Variants in RHOG observed in about 807,000 individuals in gnomAD.
The protein encoded by RHOG is ras homolog family member G.
A neutral mutation model predicts 12.3 loss-of-function variants in RHOG; 1 was observed. The observed-to-expected ratio is 0.08, with a 90% CI of 0.03 to 0.39. The LOEUF (loss-of-function observed/expected upper bound fraction) is 0.39, where lower values mean the gene tolerates loss of function less well. Ranked by LOEUF, RHOG falls within the 10% of genes least tolerant of loss-of-function variation. The probability of loss-of-function intolerance (pLI) is 0.99; values close to 1 mark genes in which losing one functional copy is unlikely to be tolerated. For missense variants in RHOG, 114 were observed against 266.2 expected (o/e 0.43, Z 3.98); for synonymous variants, 129 against 116.0 (o/e 1.11, Z -0.72).
chr11:3,836,400 T>C (rs2090156724), intron 1 of RHOG, among the ~76,000 whole-genome samples: 1 of 148,492 alleles, frequency 6.7e-6, no homozygotes, highest in Admixed American at 6.7e-5. Context: ...GCTGGAGGAC[T>C]CTCCACCTCT....
At chr11:3,840,324 G>A (rs1232644203) in intron 1 of RHOG, among the ~76,000 whole-genome samples, 3 of 152,128 alleles carry the variant, frequency 2.0e-5, no homozygotes, top group East Asian at 3.9e-4. Flanking sequence ...ACTGGGGTCG[G>A]CGGGGCTCCC....
intron 1 of RHOG, among the ~76,000 whole-genome samples, chr11:3,831,719 AG>A (rs1022846800): frequency 1.3e-5 from 2 of 152,226 alleles, no homozygotes; most frequent in African/African-American, 4.8e-5. Flanking sequence ...CCTTGGAGGC[AG>A]GGGGCATTAT....
chr11:3,828,817 T>A (rs1002672191), intron 1 of RHOG, among the ~76,000 whole-genome samples: 7 of 151,640 alleles, frequency 4.6e-5, no homozygotes, highest in East Asian at 1.9e-4. Flanking sequence ...AGATGGGGTT[T>A]CACCGTGTTG....
chr11:3,829,249 A>ATTT (rs869157708), intron 1 of RHOG, among the ~76,000 whole-genome samples: 9 of 92,772 alleles, frequency 9.7e-5, no homozygotes, highest in African/African-American at 1.1e-4. Context: ...CAATGGGGAA[A>ATTT]TTTTTTTTTT....
chr11:3,827,686 A>G lies in RHOG; in HGVS notation c.453T>C (p.Ala151=), dbSNP rs201163284. Residue 151 remains alanine, a synonymous_variant, in exon 2 of 2, where the codon GCT becomes GCC. Transcript: ENST00000351018. This position sits in a 1 kb window ranked among gnomAD's most constrained non-coding sequence, Gnocchi z 7.3. ...GGGCTGAGCATTCGAGGTAGCGCAC[A>G]GCGTGGATCTGCTTGGCCAGTGCCT... The part of the protein sequence containing the change: ...QGQALAKQIH[A]VRYLECSALQ... 1.2e-6 allele frequency: 2 copies of G among 1,614,124 alleles called. No individual in the cohort carries two copies. Among genetic ancestry groups the G allele is most frequent in the African/African-American group, 1.3e-5 (1 of 75,084 alleles).
chr11:3,827,267 CAGT>C lies in RHOG; in HGVS notation c.*293_*295del, dbSNP rs1200798994. On this transcript the variant is annotated 3_prime_UTR_variant, in exon 2 of 2. Transcript: ENST00000351018. This position sits in a 1 kb window ranked among gnomAD's most constrained non-coding sequence, Gnocchi z 7.3. ...TGTGTGGAAAGCTGGATGAACTGGT[CAGT>C]AGCGGAAAATGGGAGGGGGCACTGG... The C allele has an allele frequency of 2.2e-6, 1 of 450,412 alleles. No individual in the cohort carries two copies. The highest frequency in any genetic ancestry group is 4.0e-6 in the Non-Finnish European group (1 of 247,940). The allele number at this position is 450,412 out of a possible 1,614,324, so 27.9% of individuals were successfully genotyped here.
At chr11:3,830,186 G>A (rs1156933413) in intron 1 of RHOG, among the ~76,000 whole-genome samples, 2 of 152,142 alleles carry the variant, frequency 1.3e-5, no homozygotes, top group African/African-American at 4.8e-5. Context: ...CCAGACTCTT[G>A]GATAGAAAAT....
chr11:3,840,833 C>T (rs1010407766), intron 1 of RHOG, 61 bp downstream of exon 1: 1 of 152,344 alleles, frequency 6.6e-6, no homozygotes, highest in African/African-American at 2.4e-5. Flanking sequence ...CGCGCCGAGT[C>T]CTGGGCCGGC....
chr11:3,835,136 G>A (rs1239356108), intron 1 of RHOG, among the ~76,000 whole-genome samples: 3 of 152,164 alleles, frequency 2.0e-5, no homozygotes, highest in African/African-American at 2.4e-5. Context: ...CTTGTTATTA[G>A]AATGGGAGTG....
At chr11:3,830,170 A>G (rs959240441) in intron 1 of RHOG, among the ~76,000 whole-genome samples, 8 of 152,324 alleles carry the variant, frequency 5.3e-5, no homozygotes, top group African/African-American at 1.9e-4. Context: ...AAGATTTTAG[A>G]GACTTCCAGA....
intron 1 of RHOG, among the ~76,000 whole-genome samples, chr11:3,836,932 G>A (rs1171889542): frequency 4.6e-4 from 37 of 79,894 alleles, no homozygotes; most frequent in African/African-American, 9.2e-4. Flanking sequence ...AAAAAAAAAA[G>A]CTGAGCCTCA....
At chr11:3,839,429 G>A (rs1419181802) in intron 1 of RHOG, among the ~76,000 whole-genome samples, 2 of 151,700 alleles carry the variant, frequency 1.3e-5, no homozygotes, top group African/African-American at 4.8e-5. Context: ...CAAGGCTGAG[G>A]GCAGTTATTT....
intron 1 of RHOG, among the ~76,000 whole-genome samples, chr11:3,831,416 G>A (rs576158079): frequency 6.6e-6 from 1 of 151,850 alleles, no homozygotes; most frequent in Non-Finnish European, 1.5e-5. Flanking sequence ...GAGAGAGAGT[G>A]TGTGTGTGTG....
chr11:3,828,976 T>C (rs947055537), intron 1 of RHOG, among the ~76,000 whole-genome samples: 17 of 151,776 alleles, frequency 1.1e-4, no homozygotes, highest in Non-Finnish European at 2.2e-4. Flanking sequence ...AGTGCACAAA[T>C]TTAGGGATCT....
At chr11:3,828,900 G>A (rs1005246837) in intron 1 of RHOG, among the ~76,000 whole-genome samples, 52 of 151,346 alleles carry the variant, frequency 3.4e-4, no homozygotes, top group Admixed American at 4.0e-4. Flanking sequence ...GATTACAGGC[G>A]TGAGCCACTG....
intron 1 of RHOG, among the ~76,000 whole-genome samples, chr11:3,831,818 G>C (rs1294697424): frequency 6.6e-6 from 1 of 152,172 alleles, no homozygotes; most frequent in Non-Finnish European, 1.5e-5. Context: ...GAGCAGGAGA[G>C]TGGGTGTTGA....
At chr11:3,831,417 T>G (rs2090127883) in intron 1 of RHOG, among the ~76,000 whole-genome samples, 1 of 151,944 alleles carries the variant, frequency 6.6e-6, no homozygotes. Context: ...AGAGAGAGTG[T>G]GTGTGTGTGT....
chr11:3,829,685 G>C lies in RHOG; in HGVS notation c.-68-1479C>G, dbSNP rs1428639823. ...GGGGTCTGGGTATGTTATGATGAAT[G>C]AGGTAGAGGCTGAGGCTCCCAGACA... On this transcript the variant is annotated intron_variant, in intron 1 of 1. Transcript: ENST00000351018. Among the ~76,000 whole-genome samples the C allele has an allele frequency of 2.0e-5, 3 of 152,162 alleles. No homozygotes were observed. The East Asian group carries it at 5.8e-4, about 29-fold the overall frequency.
At chr11:3,828,252 C>T in intron 1 of RHOG, 46 bp from the exon 2 acceptor site, 2 of 944,114 alleles carry the variant, frequency 2.1e-6, no homozygotes, top group Non-Finnish European at 1.6e-6. Context: ...GAGGCCTCTG[C>T]CTATTGGGAA....
Sources: allele counts gnomAD v4.1 joint callset (sites outside exome capture counted in the v4.1 genomes callset), GRCh38; gene constraint gnomAD v4.1.1; non-coding constraint Gnocchi (gnomAD v3.1); transcripts MANE v1.5; gene names NCBI Gene and HGNC (gene_info 2026-07-23, HGNC 2026-07-21).